PTPRN2: variants seen among roughly 807,000 people sequenced by gnomAD.
The protein encoded by PTPRN2 is protein tyrosine phosphatase receptor type N2.
A neutral mutation model predicts 118.8 loss-of-function variants in PTPRN2; 74 were observed. That is an observed-to-expected ratio of 0.62 (90% CI 0.52 to 0.76). PTPRN2 has a LOEUF of 0.76. Ranked by LOEUF, PTPRN2 falls within the 30% of genes least tolerant of loss-of-function variation. PTPRN2 has a pLI of 0.00. For synonymous variants in PTPRN2, 641 were observed against 608.0 expected (o/e 1.05, Z -0.80); for missense variants, 1,481 against 1,394.4 (o/e 1.06, Z -0.99).
chr7:158,110,810 C>A lies in PTPRN2; in HGVS notation c.1643+19G>T, dbSNP rs560057275. ...CAAGCAACAGGAGCCAAACAGAAAC[C>A]CCAGGGCCCCGTACTTACTCCACGT... On this transcript the variant is annotated intron_variant, in intron 10 of 22. Coordinates refer to ENST00000389418, the MANE Select transcript of PTPRN2 (RefSeq NM_002847.5). 5 of 1,565,844 alleles carry A rather than the reference C, an allele frequency of 3.2e-6. No homozygotes were observed. In the Admixed American group the frequency reaches 9.2e-5, roughly 29 times the overall value.
chr7:158,086,432 C>A (rs935201642), intron 10 of PTPRN2, among the ~76,000 whole-genome samples: 2 of 152,352 alleles, frequency 1.3e-5, no homozygotes. Flanking sequence ...CCTGGCCATT[C>A]CCCAGCTGCC....
chr7:157,973,977 G>A (rs1252292830), intron 11 of PTPRN2, among the ~76,000 whole-genome samples: 2 of 152,140 alleles, frequency 1.3e-5, no homozygotes, highest in South Asian at 2.1e-4. Flanking sequence ...CCATTGGTGA[G>A]CTTCCTTCCA....
intron 2 of PTPRN2, among the ~76,000 whole-genome samples, chr7:158,437,997 CT>C (rs1371545345): frequency 2.6e-5 from 4 of 152,198 alleles, no homozygotes; most frequent in Non-Finnish European, 5.9e-5. Flanking sequence ...TTCTCAGCCT[CT>C]TTCGACAGGA....
intron 3 of PTPRN2, among the ~76,000 whole-genome samples, chr7:158,290,206 G>A (rs2151019817): frequency 1.3e-5 from 1 of 78,500 alleles, no homozygotes; most frequent in Middle Eastern, 7.7e-3. Context: ...CTGGCACCAG[G>A]GGTCTATTGG....
chr7:158,365,370 T>C (rs1284007779), intron 2 of PTPRN2, among the ~76,000 whole-genome samples: 2 of 152,146 alleles, frequency 1.3e-5, no homozygotes, highest in African/African-American at 4.8e-5. Context: ...ATTTTTCCCA[T>C]CTGTCTTCCC....
chr7:158,418,038 G>C (rs1196264714), intron 2 of PTPRN2, among the ~76,000 whole-genome samples: 2 of 150,536 alleles, frequency 1.3e-5, no homozygotes, highest in African/African-American at 4.9e-5. Flanking sequence ...GTGTCCCGCT[G>C]TGTTAAGTCA....
Position 158,464,697 on chromosome 7 carries a change from C to T in PTPRN2, c.163+25038G>A, listed in dbSNP as rs1388373800. Reference sequence around the variant, plus strand: ...TTGCCATGCCATTTAGTAAATAATCCTTCATCACCACCGTCATCATCCTTA... The same window carrying T: ...TTGCCATGCCATTTAGTAAATAATCTTTCATCACCACCGTCATCATCCTTA... On this transcript the variant is annotated intron_variant, in intron 2 of 22. Coordinates refer to ENST00000389418, the MANE Select transcript of PTPRN2 (RefSeq NM_002847.5). Among the ~76,000 whole-genome samples the T allele has an allele frequency of 2.0e-5, 3 of 150,182 alleles. No homozygotes were observed. The East Asian group carries it at 5.9e-4, about 29-fold the overall frequency.
At chr7:157,843,656 C>T (rs551758754) in intron 12 of PTPRN2, among the ~76,000 whole-genome samples, 7 of 152,256 alleles carry the variant, frequency 4.6e-5, no homozygotes, top group East Asian at 1.9e-4. Context: ...GTGCAGGTGT[C>T]GGAAAAAAAT....
At chr7:158,303,321 GAAC>G (rs1236906375) in intron 3 of PTPRN2, among the ~76,000 whole-genome samples, 1 of 152,110 alleles carries the variant, frequency 6.6e-6, no homozygotes, top group Non-Finnish European at 1.5e-5. Flanking sequence ...AGGACCCCAG[GAAC>G]ACCCTGTAAT....
At position 158,507,147 on chromosome 7, in the gene PTPRN2, G is replaced by A. The variant is rs183433939; in HGVS notation, c.113-17362C>T. Among the ~76,000 whole-genome samples the A allele has an allele frequency of 6.7e-4, 102 of 152,330 alleles. 3 individuals carry two copies. In the South Asian group the frequency reaches 0.02, roughly 29 times the overall value. On this transcript the variant is annotated intron_variant, in intron 1 of 22. Transcript: ENST00000389418. ...TCCATGAGGATCTCTCAGGACCCAG[G>A]GCTTGGATGTGGGGCAAGGACTGCA...
chr7:158,419,533 A>G (rs2129421831), intron 2 of PTPRN2, among the ~76,000 whole-genome samples: 1 of 152,324 alleles, frequency 6.6e-6, no homozygotes, highest in South Asian at 2.1e-4. Flanking sequence ...GGAAGGCAGC[A>G]GAGTGGCTGC....
At chr7:157,796,468 G>C (rs1804874674) in intron 12 of PTPRN2, among the ~76,000 whole-genome samples, 1 of 152,204 alleles carries the variant, frequency 6.6e-6, no homozygotes, top group African/African-American at 2.4e-5. Context: ...CTGAACGCCT[G>C]CCCATGGAAG....
chr7:157,580,472 G>A (rs1204955168), intron 17 of PTPRN2, among the ~76,000 whole-genome samples: 7 of 66,048 alleles, frequency 1.1e-4, no homozygotes, highest in African/African-American at 3.6e-4. Flanking sequence ...CCTGCACACC[G>A]CAGCACCTGC....
At position 157,836,933 on chromosome 7, in the gene PTPRN2, A is replaced by ACTCACCACCACCTG. The variant is rs1807979251; in HGVS notation, c.1788+61739_1788+61740insCAGGTGGTGGTGAG. Among the ~76,000 whole-genome samples, 9 of 148,068 alleles carry ACTCACCACCACCTG rather than the reference A, an allele frequency of 6.1e-5. No individual in the cohort carries two copies. The South Asian group carries it at 2.0e-3, about 32-fold the overall frequency. On this transcript the variant is annotated intron_variant, in intron 12 of 22. Transcript: ENST00000389418. ...ACCCACCCTGCACTCACCACCACCT[A>ACTCACCACCACCTG]TCCACTCACCACCACCTGTCCACTC... is the stretch of plus-strand genomic sequence containing the variant.
At position 158,270,782 on chromosome 7, in the gene PTPRN2, CACCCCTCCACCT is replaced by C. The variant is rs1563067233; in HGVS notation, c.277+46025_277+46036del. 1.5e-3 allele frequency among the ~76,000 whole-genome samples: 149 copies of C among 99,232 alleles called. 15 individuals carry two copies. The highest frequency in any genetic ancestry group is 7.0e-3 in the African/African-American group (133 of 18,894). 65.1% of individuals were successfully genotyped at this position (99,232 alleles called of 152,430 possible). The stretch of plus-strand genomic sequence containing the variant: ...CCTGGACCACCCCGTCCACCTGGAC[CACCCCTCCACCT>C]GGACCACCCCCTCACCTGGACCGCC... On this transcript the variant is annotated intron_variant, in intron 3 of 22. Transcript: ENST00000389418.
At chr7:157,812,995 AC>A (rs1467346470) in intron 12 of PTPRN2, among the ~76,000 whole-genome samples, 1 of 152,130 alleles carries the variant, frequency 6.6e-6, no homozygotes, top group African/African-American at 2.4e-5. Context: ...TTTCACCCGG[AC>A]CACAGCCTCT....
chr7:157,833,666 G>A lies in PTPRN2; in HGVS notation c.1788+65007C>T, dbSNP rs562344336. On this transcript the variant is annotated intron_variant, in intron 12 of 22. Coordinates refer to ENST00000389418, the MANE Select transcript of PTPRN2 (RefSeq NM_002847.5). ...GGTAAACTTGATGGAGCATAGTTCCGGGAGCAGCTCTCCTGGGTTTTAGGA... is the reference window on the plus strand; with the variant it reads ...GGTAAACTTGATGGAGCATAGTTCCAGGAGCAGCTCTCCTGGGTTTTAGGA... 6.6e-5 allele frequency among the ~76,000 whole-genome samples: 10 copies of A among 152,342 alleles called. No individual in the cohort carries two copies. The East Asian group carries it at 7.7e-4, about 12-fold the overall frequency.
At chr7:158,070,340 CCCGTGG>C (rs1811133547) in intron 11 of PTPRN2, among the ~76,000 whole-genome samples, 1 of 108,330 alleles carries the variant, frequency 9.2e-6, no homozygotes, top group African/African-American at 3.7e-5. Flanking sequence ...TGTGGAGGTG[CCCGTGG>C]TGGTGGAGGT....
intron 2 of PTPRN2, among the ~76,000 whole-genome samples, chr7:158,419,053 A>G (rs1041631027): frequency 6.6e-6 from 1 of 152,226 alleles, no homozygotes; most frequent in Non-Finnish European, 1.5e-5. Flanking sequence ...CTCCTTCACC[A>G]TGCAATGAGG....
Sources: allele counts gnomAD v4.1 joint callset (sites outside exome capture counted in the v4.1 genomes callset), GRCh38; gene constraint gnomAD v4.1.1; transcripts MANE v1.5; gene names NCBI Gene and HGNC (gene_info 2026-07-23, HGNC 2026-07-21).